The following TRIT1 variants were observed in gnomAD, a reference collection of about 807,000 sequenced individuals.
TRIT1 encodes tRNA dimethylallyltransferase.
A neutral mutation model predicts 51.2 loss-of-function variants in TRIT1; 43 were observed. The ratio of observed to expected loss-of-function variants is 0.84; its 90% CI spans 0.66 to 1.08. TRIT1 has a LOEUF of 1.08. TRIT1 is among the 50% of genes least tolerant of loss of function. The pLI is 0.00. For synonymous variants in TRIT1, 184 were observed against 203.9 expected, an observed-to-expected ratio of 0.90 and a Z score of 0.83; for missense variants, 528 against 578.4, an observed-to-expected ratio of 0.91 and a Z score of 0.89.
intron 5 of TRIT1, among the ~76,000 whole-genome samples, chr1:39,848,482 G>A (rs527550526): frequency 2.4e-4 from 36 of 151,388 alleles, no homozygotes; most frequent in African/African-American, 8.3e-4. Flanking sequence ...TTATGTTTAA[G>A]AACCCCTAGA....
Position 39,870,422 on chromosome 1 carries a change from A to G in TRIT1, c.174+12896T>C, listed in dbSNP as rs575834687. ...AGGAAAACCAGAGACCCTTGTTCAC[A>G]TGTTTATCTGCTGACCTTCCCTCCA... is the stretch of plus-strand genomic sequence containing the variant. On this transcript the variant is annotated intron_variant, in intron 1 of 10. Transcript: ENST00000316891. 2.5e-3 allele frequency among the ~76,000 whole-genome samples: 371 copies of G among 150,754 alleles called. 4 individuals carry two copies. Among genetic ancestry groups the G allele is most frequent in the South Asian group, 4.2e-3 (20 of 4,798 alleles).
chr1:39,848,028 T>C lies in TRIT1; in HGVS notation c.773A>G (p.Asp258Gly). 6.2e-7 allele frequency: 1 copy of C among 1,614,086 alleles called. No homozygotes were observed. The highest frequency in any genetic ancestry group is 8.5e-7 in the Non-Finnish European group (1 of 1,180,008). Residue 258 changes from aspartate to glycine, a missense_variant, in exon 6 of 11, where the codon GAT becomes GGT. This residue lies in a region of TRIT1 where 468 missense variants were observed against 522.6 expected (regional missense o/e 0.90). Transcript: ENST00000316891. ...LAAGLLEELR[D>G]FHRRYNQKNV... ...CTTCTGATTATAGCGTCTGTGAAAATCTCTTAGTTCCTCCAAGAGCCCAGC... is the reference window on the plus strand; with the variant it reads ...CTTCTGATTATAGCGTCTGTGAAAACCTCTTAGTTCCTCCAAGAGCCCAGC...
chr1:39,861,651 C>A (rs530089680), intron 1 of TRIT1, among the ~76,000 whole-genome samples: 1 of 152,070 alleles, frequency 6.6e-6, no homozygotes, highest in South Asian at 2.1e-4. Flanking sequence ...GTTGGCCGGG[C>A]GGTGGGTCGT....
chr1:39,850,278 G>T lies in TRIT1; in HGVS notation c.561-17C>A, dbSNP rs760608344. On this transcript the variant is annotated splice_polypyrimidine_tract_variant and intron_variant, in intron 4 of 10. Coordinates refer to ENST00000316891, the MANE Select transcript of TRIT1 (RefSeq NM_017646.6). Reference sequence around the variant, plus strand: ...TGCAAGCTCCTAAGTAATTTAAAAGGGGAGGGAGGGGGCACACCCATAAAA... The same window carrying T: ...TGCAAGCTCCTAAGTAATTTAAAAGTGGAGGGAGGGGGCACACCCATAAAA... 14 of 1,613,794 alleles carry T rather than the reference G, an allele frequency of 8.7e-6. No individual in the cohort carries two copies. Among genetic ancestry groups the T allele is most frequent in the Non-Finnish European group, 1.1e-5 (13 of 1,179,876 alleles).
chr1:39,848,036 T>C lies in TRIT1; in HGVS notation c.765A>G (p.Glu255=). 1 of 1,614,168 alleles carries C rather than the reference T, an allele frequency of 6.2e-7. No individual in the cohort carries two copies. ...TATAGCGTCTGTGAAAATCTCTTAG[T>C]TCCTCCAAGAGCCCAGCAGCAAGCA... ...DDMLAAGLLE[E]LRDFHRRYNQ... Residue 255 remains glutamate (E), a synonymous_variant, in exon 6 of 11, where the codon GAA becomes GAG. Coordinates refer to ENST00000316891, the MANE Select transcript of TRIT1 (RefSeq NM_017646.6).
chr1:39,879,648 C>T (rs895135880), intron 1 of TRIT1, among the ~76,000 whole-genome samples: 6 of 151,874 alleles, frequency 4.0e-5, no homozygotes, highest in Admixed American at 1.3e-4. Context: ...CCAAGGCAGG[C>T]GGATCACCTG....
chr1:39,855,453 C>A (rs1642839433), intron 2 of TRIT1, among the ~76,000 whole-genome samples: 1 of 152,286 alleles, frequency 6.6e-6, no homozygotes, highest in Middle Eastern at 3.4e-3. Flanking sequence ...AGTTAAATAT[C>A]CCTTATCCAA....
At chr1:39,850,396 C>T (rs1557540938) in intron 4 of TRIT1, 135 bp from the exon 5 acceptor site, 2 of 1,187,934 alleles carry the variant, frequency 1.7e-6, no homozygotes, top group Non-Finnish European at 2.3e-6. Flanking sequence ...CGACAGTGTG[C>T]ACATCTGTAG....
At chr1:39,874,696 G>A (rs943942924) in intron 1 of TRIT1, among the ~76,000 whole-genome samples, 1 of 148,870 alleles carries the variant, frequency 6.7e-6, no homozygotes, top group Non-Finnish European at 1.5e-5. Flanking sequence ...ATGGAGTTTC[G>A]CTCTTGTTGC....
rs1652509106 is a variant in TRIT1 at position 39,840,416 on chromosome 1, G to A, written c.*1328C>T. Reference sequence around the variant, plus strand: ...ATCAAGAATTGCTTTTCAAGGTGCAGCAGAAATGCTCCTCCTTCCATGATC... The same window carrying A: ...ATCAAGAATTGCTTTTCAAGGTGCAACAGAAATGCTCCTCCTTCCATGATC... On this transcript the variant is annotated 3_prime_UTR_variant, in exon 11 of 11. Transcript: ENST00000316891. 2.6e-5 allele frequency among the ~76,000 whole-genome samples: 4 copies of A among 152,206 alleles called. No individual in the cohort carries two copies. In the South Asian group the frequency reaches 6.2e-4, roughly 24 times the overall value.
intron 1 of TRIT1, among the ~76,000 whole-genome samples, chr1:39,874,888 G>C (rs1325675171): frequency 6.6e-6 from 1 of 151,706 alleles, no homozygotes; most frequent in Non-Finnish European, 1.5e-5. Flanking sequence ...GGCTGGTCTC[G>C]AGCTCCTGAC....
At chr1:39,872,069 T>A (rs1395364926) in intron 1 of TRIT1, among the ~76,000 whole-genome samples, 2 of 39,708 alleles carry the variant, frequency 5.0e-5, no homozygotes, top group Admixed American at 4.5e-4. Flanking sequence ...GCCTGACTAA[T>A]TTTTTTTTTT....
rs893866754 is a variant in TRIT1, at chr1:39,839,605, TC to T, written c.*2138del. ...AGATTTCTAGTGAGTGTTCTGCCTT[TC>T]CCAGGCTCTTTGCTGCTGATAAAGG... On this transcript the variant is annotated 3_prime_UTR_variant, in exon 11 of 11. Coordinates refer to ENST00000316891, the MANE Select transcript of TRIT1 (RefSeq NM_017646.6). 6.6e-6 allele frequency among the ~76,000 whole-genome samples: 1 copy of T among 152,226 alleles called. No homozygotes were observed. The highest frequency in any genetic ancestry group is 1.5e-5 in the Non-Finnish European group (1 of 68,038).
chr1:39,883,478 G>T lies in TRIT1; in HGVS notation c.14C>A (p.Ala5Glu). ...GCCCACGGGAACTGCTCGTGCAGCC[G>T]CCACGGACGCCATCTTATGGCAGTC... MASVAAARAVPVGSG... is the reference protein window; with the variant it reads MASVEAARAVPVGSG... Residue 5 changes from alanine to glutamate, a missense_variant, in exon 1 of 11, where the codon GCG becomes GAG. Ala to Glu is a moderately radical substitution (Grantham distance 107). This residue lies in a region of TRIT1 where 55 missense variants were observed against 37.0 expected (regional missense o/e 1.49). Coordinates refer to ENST00000316891, the MANE Select transcript of TRIT1 (RefSeq NM_017646.6). 2 of 1,595,356 alleles carry T rather than the reference G, an allele frequency of 1.3e-6. No homozygotes were observed. Among genetic ancestry groups the T allele is most frequent in the South Asian group, 1.1e-5 (1 of 90,594 alleles).
chr1:39,875,837 G>T (rs1174707184), intron 1 of TRIT1, among the ~76,000 whole-genome samples: 1 of 152,060 alleles, frequency 6.6e-6, no homozygotes, highest in Non-Finnish European at 1.5e-5. Context: ...ATGGAGATGA[G>T]GATTTAATAA....
chr1:39,841,826 C>CTTTGTTATGG lies in TRIT1; in HGVS notation c.1321_1322insCCATAACAAA (p.Ser441ThrfsTer10). 1 of 1,614,078 alleles carries CTTTGTTATGG rather than the reference C, an allele frequency of 6.2e-7. No individual in the cohort carries two copies. The highest frequency in any genetic ancestry group is 8.5e-7 in the Non-Finnish European group (1 of 1,179,982). On this transcript the variant is annotated frameshift_variant, in exon 11 of 11. Coordinates refer to ENST00000316891, the MANE Select transcript of TRIT1 (RefSeq NM_017646.6). LOFTEE classifies it low-confidence loss of function (END_TRUNC). ...TTCTTTGTTATGGTCTGGGGAAACA[C>CTTTGTTATGG]TCTGACTTTCTATGGTGTTGACAGC...
chr1:39,847,330 G>A (rs772060882), intron 7 of TRIT1, 33 bp from the exon 8 acceptor site: 23 of 1,601,698 alleles, frequency 1.4e-5, no homozygotes, highest in Non-Finnish European at 1.7e-5. Context: ...GAACATCTAG[G>A]TAAGCACTCC....
rs539927791 is a variant in TRIT1 at position 39,846,934 on chromosome 1, C to T, written c.1006+286G>A. The T allele has an allele frequency of 2.4e-5, 7 of 291,982 alleles. No homozygotes were observed. In the Admixed American group the frequency reaches 2.5e-4, roughly 10 times the overall value. 18.1% of individuals were successfully genotyped at this position (291,982 alleles called of 1,614,324 possible). A position where few individuals can be genotyped will look rare whatever the true frequency, so the allele number is the denominator to read the frequency against. ...ACTGAAGCTAAAAATCAGCCCTGAA[C>T]ACCAACTCTCCAAAAAAGATGCTGC... On this transcript the variant is annotated intron_variant, in intron 8 of 10. Coordinates refer to ENST00000316891, the MANE Select transcript of TRIT1 (RefSeq NM_017646.6).
chr1:39,857,241 C>T (rs1374592213), intron 2 of TRIT1, 36 bp downstream of exon 2: 23 of 1,567,748 alleles, frequency 1.5e-5, no homozygotes, highest in Non-Finnish European at 2.0e-5. Context: ...GCTGCTTTCA[C>T]CCACCAAACC....
Sources: allele counts gnomAD v4.1 joint callset (sites outside exome capture counted in the v4.1 genomes callset), GRCh38; gene constraint gnomAD v4.1.1; regional missense constraint gnomAD v4.1.1; transcripts MANE v1.5; gene names NCBI Gene and HGNC (gene_info 2026-07-23, HGNC 2026-07-21).